The following PEPD variants were observed in gnomAD, a reference collection of about 807,000 sequenced individuals.
PEPD encodes the protein peptidase D.
A neutral mutation model predicts 60.7 loss-of-function variants in PEPD; 53 were observed. That is an observed-to-expected ratio of 0.87 (90% CI 0.70 to 1.10). The LOEUF (loss-of-function observed/expected upper bound fraction) is 1.10. Among genes scored for constraint, PEPD ranks in the 50% least tolerant of loss-of-function variants. The probability of loss-of-function intolerance (pLI) is 0.00; values close to 1 mark genes in which losing one functional copy is unlikely to be tolerated. For missense variants in PEPD, 711 were observed against 711.9 expected, an observed-to-expected ratio of 1.00 and a Z score of 0.01; for synonymous variants, 267 against 284.1, an observed-to-expected ratio of 0.94 and a Z score of 0.60.
chr19:33,416,360 C>A (rs929012069), intron 9 of PEPD, among the ~76,000 whole-genome samples: 1 of 152,210 alleles, frequency 6.6e-6, no homozygotes, highest in African/African-American at 2.4e-5. Context: ...AGCTACTACC[C>A]ACCCAAAATA....
intron 4 of PEPD, among the ~76,000 whole-genome samples, chr19:33,496,204 T>C (rs1422158376): frequency 6.6e-6 from 1 of 152,172 alleles, no homozygotes; most frequent in Non-Finnish European, 1.5e-5. Flanking sequence ...TTGGGGATTG[T>C]ATCTGCTATC....
chr19:33,401,889 G>A lies in PEPD; in HGVS notation c.819-20C>T. ...AACAGGCTGCGGAGAGAGGAAGGCAGGGCAAGTGGGTACTGGGGTGCCACC... is the reference window on the plus strand; with the variant it reads ...AACAGGCTGCGGAGAGAGGAAGGCAAGGCAAGTGGGTACTGGGGTGCCACC... On this transcript the variant is annotated intron_variant, in intron 11 of 14. Transcript: ENST00000244137. The A allele has an allele frequency of 6.2e-7, 1 of 1,611,898 alleles. No individual in the cohort carries two copies. The highest frequency in any genetic ancestry group is 8.5e-7 in the Non-Finnish European group (1 of 1,179,366).
At chr19:33,468,615 G>A (rs546611773) in intron 7 of PEPD, among the ~76,000 whole-genome samples, 3 of 152,332 alleles carry the variant, frequency 2.0e-5, no homozygotes, top group Middle Eastern at 3.4e-3. Context: ...CCAGCCAGCC[G>A]CTGACTCACA....
At chr19:33,435,949 C>T (rs1027459213) in intron 9 of PEPD, among the ~76,000 whole-genome samples, 3 of 152,122 alleles carry the variant, frequency 2.0e-5, no homozygotes, top group African/African-American at 7.2e-5. Context: ...CTCCAAGAAG[C>T]GGTGAGCAGG....
intron 9 of PEPD, among the ~76,000 whole-genome samples, chr19:33,431,148 G>GAGGAAGGAAGGAAAGA (rs1969263349): frequency 7.2e-6 from 1 of 138,274 alleles, no homozygotes; most frequent in South Asian, 2.5e-4. Context: ...GAAAGGGAGA[G>GAGGAAGGAAGGAAAGA]AGGAAGGAAG....
chr19:33,397,742 G>A (rs1255090836), intron 12 of PEPD, among the ~76,000 whole-genome samples: 2 of 152,174 alleles, frequency 1.3e-5, no homozygotes, highest in Non-Finnish European at 2.9e-5. Flanking sequence ...GGTCTGAGAT[G>A]AGCCTAGCTG....
rs985072164 is a variant in PEPD, at chr19:33,509,133, G to A, written c.329+1895C>T. On this transcript the variant is annotated intron_variant, in intron 3 of 14. Transcript: ENST00000244137. ...TGAGCCATCTCCTCTTTTGTAACAG[G>A]GCAGTCATAAGGATTCCACCGGGAA... 7.2e-5 allele frequency among the ~76,000 whole-genome samples: 11 copies of A among 152,326 alleles called. No homozygotes were observed. In the South Asian group the frequency reaches 1.7e-3, roughly 23 times the overall value.
intron 9 of PEPD, among the ~76,000 whole-genome samples, chr19:33,441,158 C>G (rs1969473190): frequency 6.6e-6 from 1 of 152,184 alleles, no homozygotes; most frequent in Non-Finnish European, 1.5e-5. Context: ...GGATGATGAG[C>G]CTGGTTCTAC....
At chr19:33,390,296 G>GA (rs1968184183) in intron 13 of PEPD, among the ~76,000 whole-genome samples, 4 of 152,236 alleles carry the variant, frequency 2.6e-5, no homozygotes, top group Admixed American at 1.3e-4. Flanking sequence ...ACAATGTCTG[G>GA]AAGGCCCAGC....
intron 9 of PEPD, among the ~76,000 whole-genome samples, chr19:33,462,447 C>A (rs1320213946): frequency 1.3e-5 from 2 of 152,186 alleles, no homozygotes; most frequent in Non-Finnish European, 2.9e-5. Flanking sequence ...ACACTGACTT[C>A]TGGGTCCTGG....
chr19:33,399,161 G>A (rs924684142), intron 12 of PEPD, among the ~76,000 whole-genome samples: 3 of 152,162 alleles, frequency 2.0e-5, no homozygotes, highest in Non-Finnish European at 4.4e-5. Flanking sequence ...GCTAATTTGT[G>A]TAATTTTAGT....
intron 9 of PEPD, among the ~76,000 whole-genome samples, chr19:33,415,127 G>A (rs1002287325): frequency 1.3e-5 from 2 of 152,176 alleles, no homozygotes; most frequent in African/African-American, 4.8e-5. Context: ...CAGAAAGCCC[G>A]AGAAGAGGCC....
At chr19:33,415,306 G>A (rs539587000) in intron 9 of PEPD, among the ~76,000 whole-genome samples, 10 of 152,314 alleles carry the variant, frequency 6.6e-5, no homozygotes, top group South Asian at 2.1e-4. Context: ...GGGACTGGCC[G>A]GCTTCAGAAA....
intron 11 of PEPD, among the ~76,000 whole-genome samples, chr19:33,406,317 A>G (rs17531264): frequency 0.15 from 23,013 of 152,206 alleles, 1,808 homozygotes; most frequent in Middle Eastern, 0.16. Context: ...CAAGAGACAA[A>G]CCGAAAACGC....
At chr19:33,447,838 CACAG>C (rs1969620566) in intron 9 of PEPD, among the ~76,000 whole-genome samples, 1 of 152,174 alleles carries the variant, frequency 6.6e-6, no homozygotes, top group Non-Finnish European at 1.5e-5. Context: ...TCCTCCATGC[CACAG>C]ACAGAGTCCA....
chr19:33,420,973 G>A (rs140088184), intron 9 of PEPD, among the ~76,000 whole-genome samples: 92 of 152,224 alleles, frequency 6.0e-4, no homozygotes, highest in Middle Eastern at 6.8e-3. Context: ...GGTCTCTTGC[G>A]TTGGCTGCTT....
At chr19:33,475,213 G>A (rs1247474007) in intron 7 of PEPD, among the ~76,000 whole-genome samples, 1 of 152,018 alleles carries the variant, frequency 6.6e-6, no homozygotes, top group Non-Finnish European at 1.5e-5. Flanking sequence ...CGAGTTGATG[G>A]TTTCCTGTTA....
intron 9 of PEPD, among the ~76,000 whole-genome samples, chr19:33,456,572 G>C (rs558939736): frequency 2.6e-5 from 4 of 152,298 alleles, no homozygotes; most frequent in African/African-American, 9.6e-5. Flanking sequence ...TGTGTCTGAA[G>C]GGGCCCTCTT....
At chr19:33,464,183 G>A (rs1969979056) in intron 7 of PEPD, 121 bp from the exon 8 acceptor site, 1 of 742,962 alleles carries the variant, frequency 1.3e-6, no homozygotes. Context: ...TGTTGTGCAA[G>A]GCCAGAGTGG....
Sources: allele counts gnomAD v4.1 joint callset (sites outside exome capture counted in the v4.1 genomes callset), GRCh38; gene constraint gnomAD v4.1.1; transcripts MANE v1.5; gene names NCBI Gene and HGNC (gene_info 2026-07-23, HGNC 2026-07-21).